KCNIP4: variants seen among roughly 807,000 people sequenced by gnomAD.
The protein encoded by KCNIP4 is potassium voltage-gated channel interacting protein 4, also known as Kv channel-interacting protein 4.
Under a neutral mutation model 34.0 loss-of-function variants are expected in KCNIP4, and 12 were observed. The ratio of observed to expected loss-of-function variants is 0.35; its 90% CI spans 0.23 to 0.57. KCNIP4 has a LOEUF of 0.57. Among genes scored for constraint, KCNIP4 ranks in the 20% least tolerant of loss-of-function variants. KCNIP4 has a pLI of 0.83. For missense variants in KCNIP4, 238 were observed against 311.7 expected (o/e 0.76, Z 1.78); for synonymous variants, 124 against 102.2 (o/e 1.21, Z -1.29).
intron 1 of KCNIP4, among the ~76,000 whole-genome samples, chr4:21,535,244 A>G (rs1737055605): frequency 6.6e-6 from 1 of 152,222 alleles, no homozygotes; most frequent in African/African-American, 2.4e-5. Flanking sequence ...TAATACTTTT[A>G]GCTCTAAAGC....
intron 1 of KCNIP4, chr4:20,983,769 T>C: frequency 1.3e-6 from 2 of 1,487,792 alleles, no homozygotes; most frequent in Non-Finnish European, 1.8e-6. Context: ...TATCTACTTC[T>C]AAACCAGACC....
intron 1 of KCNIP4, among the ~76,000 whole-genome samples, chr4:21,552,781 G>A (rs1277687341): frequency 1.3e-5 from 2 of 152,038 alleles, no homozygotes; most frequent in Non-Finnish European, 2.9e-5. Flanking sequence ...TTGCTGTAGA[G>A]CAATATTCCC....
intron 1 of KCNIP4, among the ~76,000 whole-genome samples, chr4:21,512,903 C>T (rs949151697): frequency 1.3e-5 from 2 of 152,178 alleles, no homozygotes; most frequent in Admixed American, 1.3e-4. Flanking sequence ...AACACAATCT[C>T]GCTTTATGGC....
At chr4:21,214,219 T>C (rs940398684) in intron 1 of KCNIP4, among the ~76,000 whole-genome samples, 2 of 152,210 alleles carry the variant, frequency 1.3e-5, no homozygotes, top group African/African-American at 2.4e-5. Flanking sequence ...TCTGAAACAA[T>C]GTGTATGTGT....
chr4:21,400,534 T>TCTTCC lies in KCNIP4; in HGVS notation c.62-517826_62-517825insGGAAG, dbSNP rs1217203149. 4.9e-3 allele frequency among the ~76,000 whole-genome samples: 395 copies of TCTTCC among 80,272 alleles called. 10 individuals carry two copies. Among genetic ancestry groups the TCTTCC allele is most frequent in the African/African-American group, 0.025 (370 of 15,096 alleles). 52.7% of individuals were successfully genotyped at this position (80,272 alleles called of 152,430 possible). ...CTTCCTCTTCTCTTCTCTTCTCTTCTCTTCTCTTCTCTTCTCTTCTCTTCT... is the reference window on the plus strand; with the variant it reads ...CTTCCTCTTCTCTTCTCTTCTCTTCTCTTCCCTTCTCTTCTCTTCTCTTCTCTTCT... On this transcript the variant is annotated intron_variant, in intron 1 of 8. Transcript: ENST00000382152.
intron 1 of KCNIP4, among the ~76,000 whole-genome samples, chr4:21,820,282 TG>T (rs1186266622): frequency 1.1e-3 from 20 of 18,234 alleles, no homozygotes; most frequent in African/African-American, 3.1e-3. Flanking sequence ...TATGTGTGTG[TG>T]TGTATATATA....
At chr4:20,947,580 T>G (rs1377728386) in intron 1 of KCNIP4, among the ~76,000 whole-genome samples, 1 of 152,222 alleles carries the variant, frequency 6.6e-6, no homozygotes, top group Non-Finnish European at 1.5e-5. Flanking sequence ...CTTAGCCTAC[T>G]TTACATGAAT....
intron 1 of KCNIP4, among the ~76,000 whole-genome samples, chr4:21,538,242 T>C (rs1737376420): frequency 6.6e-6 from 1 of 152,072 alleles, no homozygotes; most frequent in Admixed American, 6.5e-5. Flanking sequence ...ATCTTAGACT[T>C]CTAGTCTCCA....
chr4:21,324,467 G>C (rs1233269665), intron 1 of KCNIP4, among the ~76,000 whole-genome samples: 1 of 151,948 alleles, frequency 6.6e-6, no homozygotes, highest in African/African-American at 2.4e-5. Context: ...TCTGCATATG[G>C]ATATCCAGCT....
intron 1 of KCNIP4, among the ~76,000 whole-genome samples, chr4:21,631,241 T>C (rs1214966033): frequency 6.6e-6 from 1 of 152,144 alleles, no homozygotes; most frequent in Admixed American, 6.6e-5. Flanking sequence ...TAATAAACAC[T>C]CAATGAGTAT....
chr4:21,303,707 C>T (rs983586246), intron 1 of KCNIP4: 3 of 876,076 alleles, frequency 3.4e-6, no homozygotes, highest in African/African-American at 1.7e-5. Context: ...CCCAGAGTAA[C>T]ATTTCTCTGA....
intron 1 of KCNIP4, among the ~76,000 whole-genome samples, chr4:21,696,223 T>C (rs1712297371): frequency 6.6e-6 from 1 of 152,140 alleles, no homozygotes; most frequent in Admixed American, 6.5e-5. Context: ...TGGTTTTCCC[T>C]TATTACACTA....
intron 1 of KCNIP4, among the ~76,000 whole-genome samples, chr4:21,723,424 C>A (rs549136795): frequency 6.6e-6 from 1 of 152,206 alleles, no homozygotes; most frequent in African/African-American, 2.4e-5. Context: ...CCAGCTAAAT[C>A]ACATGTTAGG....
At chr4:20,759,824 A>G (rs1032819603) in intron 3 of KCNIP4, among the ~76,000 whole-genome samples, 5 of 152,048 alleles carry the variant, frequency 3.3e-5, no homozygotes, top group Admixed American at 6.6e-5. Context: ...GAGACTGACA[A>G]TCACATGATA....
chr4:21,558,262 T>C (rs890001597), intron 1 of KCNIP4, among the ~76,000 whole-genome samples: 5 of 152,008 alleles, frequency 3.3e-5, no homozygotes, highest in African/African-American at 1.2e-4. Flanking sequence ...GAGGCCAAGG[T>C]AGGTGGATCA....
At chr4:21,291,115 C>A (rs1021929373) in intron 1 of KCNIP4, among the ~76,000 whole-genome samples, 19 of 152,184 alleles carry the variant, frequency 1.2e-4, no homozygotes, top group Non-Finnish European at 2.5e-4. Flanking sequence ...AAGCTTTATT[C>A]TTTATCCAGT....
chr4:20,753,926 A>G (rs1384412807), intron 4 of KCNIP4, among the ~76,000 whole-genome samples: 1 of 152,100 alleles, frequency 6.6e-6, no homozygotes. Context: ...TCATTCATTC[A>G]TTCATTCATT....
chr4:20,969,550 GTGTGTT>G (rs1306227423), intron 1 of KCNIP4, among the ~76,000 whole-genome samples: 1 of 148,584 alleles, frequency 6.7e-6, no homozygotes, highest in African/African-American at 2.6e-5. Context: ...TTTGCTGCGT[GTGTGTT>G]TGTGTGTGTG....
chr4:21,684,590 A>T (rs968943867), intron 1 of KCNIP4, among the ~76,000 whole-genome samples: 5 of 152,136 alleles, frequency 3.3e-5, no homozygotes, highest in Non-Finnish European at 7.3e-5. Context: ...GTAGTTTAAA[A>T]ATTTTTTTAC....
Sources: gnomAD v4.1 joint callset for allele counts (sites outside exome capture counted in the v4.1 genomes callset) on GRCh38, gnomAD v4.1.1 for gene constraint, MANE v1.5 for transcripts, NCBI Gene and HGNC (gene_info 2026-07-23, HGNC 2026-07-21) for gene names.